PTPRS: variants seen among roughly 807,000 people sequenced by gnomAD.
PTPRS encodes the protein receptor-type tyrosine-protein phosphatase S.
PTPRS carries 63 observed loss-of-function variants against 215.3 expected under a neutral mutation model. The ratio of observed to expected loss-of-function variants is 0.29; its 90% confidence interval spans 0.24 to 0.36. The LOEUF is 0.36. PTPRS is among the 10% of genes least tolerant of loss of function. PTPRS has a pLI of 1.00. For synonymous variants in PTPRS, 1,404 were observed against 1,191.4 expected (o/e 1.18, Z -3.68); for missense variants, 2,258 against 2,825.8 (o/e 0.80, Z 4.56).
rs974233630 is a variant in PTPRS at position 5,240,701 on chromosome 19, C to T, written c.1571-369G>A. Among the ~76,000 whole-genome samples, 311 of 151,184 alleles carry T rather than the reference C, an allele frequency of 2.1e-3. 2 individuals are homozygous for T. The highest frequency in any genetic ancestry group is 3.0e-3 in the Non-Finnish European group (205 of 67,716). ...AAAAATACAAAAAATTAGCCGGGCG[C>T]GGTGGCGGGCACCTGTAGTCCCAGC... On this transcript the variant is annotated intron_variant, in intron 11 of 37. Coordinates refer to ENST00000262963, the MANE Select transcript of PTPRS (RefSeq NM_002850.4).
At position 5,218,812 on chromosome 19, in the gene PTPRS, CAG is replaced by C. The variant is rs1048186608; in HGVS notation, c.3924-16_3924-15del. 1.2e-6 allele frequency: 2 copies of C among 1,600,200 alleles called. No homozygotes were observed. Among genetic ancestry groups the C allele is most frequent in the African/African-American group, 2.7e-5 (2 of 74,348 alleles). On this transcript the variant is annotated splice_polypyrimidine_tract_variant and intron_variant, in intron 23 of 37. Coordinates refer to ENST00000262963, the MANE Select transcript of PTPRS (RefSeq NM_002850.4). ...CTGTCGGGTTTGCTGTTCCCGAAAGCAGACACAGGTGAGAAGGGGGAAAAAAA... is the reference window on the plus strand; with the variant it reads ...CTGTCGGGTTTGCTGTTCCCGAAAGCACACAGGTGAGAAGGGGGAAAAAAA...
chr19:5,228,068 G>A (rs563518101), intron 16 of PTPRS, among the ~76,000 whole-genome samples: 1 of 152,120 alleles, frequency 6.6e-6, no homozygotes, highest in South Asian at 2.1e-4. Context: ...CCCTCCCAGG[G>A]TCTCTGCGAG....
chr19:5,333,645 C>G (rs977602444), intron 1 of PTPRS, among the ~76,000 whole-genome samples: 8 of 152,008 alleles, frequency 5.3e-5, no homozygotes, highest in African/African-American at 1.9e-4. Context: ...AGGTGCCACT[C>G]TCAGTCTCTG....
intron 17 of PTPRS, among the ~76,000 whole-genome samples, chr19:5,224,535 G>A (rs2042304024): frequency 1.3e-5 from 2 of 152,182 alleles, no homozygotes; most frequent in African/African-American, 4.8e-5. Flanking sequence ...GAGAGGTTCT[G>A]GGATCAGGCA....
chr19:5,324,259 A>C (rs1015440271), intron 1 of PTPRS, among the ~76,000 whole-genome samples: 1 of 151,810 alleles, frequency 6.6e-6, no homozygotes, highest in East Asian at 1.9e-4. Flanking sequence ...AAAGAAAGAA[A>C]AAAAGGGAAA....
At chr19:5,310,946 G>A (rs966286006) in intron 1 of PTPRS, among the ~76,000 whole-genome samples, 4 of 151,658 alleles carry the variant, frequency 2.6e-5, no homozygotes, top group South Asian at 2.1e-4. Context: ...GTGCAGTGGC[G>A]TGATCTCACT....
At chr19:5,217,291 T>C (rs1369012800) in intron 25 of PTPRS, among the ~76,000 whole-genome samples, 1 of 152,178 alleles carries the variant, frequency 6.6e-6, no homozygotes, top group Non-Finnish European at 1.5e-5. Context: ...TAGCGGTGAA[T>C]TGTGAGACTC....
In PTPRS at chr19:5,274,342, G is replaced by A. The variant is rs770312204; in HGVS notation, c.94C>T (p.Pro32Ser). Residue 32 changes from proline to serine, a missense_variant and splice_region_variant, in exon 3 of 38, where the codon CCC becomes TCC. Transcript: ENST00000262963. ...LLVGGCAAEE[P>S]PRFIKEPKDQ... ...TTGGGTTCTTTGATAAACCTGGGGG[G>A]CTCTGGGGATACAGTGGAAAGAAGG... 2.5e-6 allele frequency: 4 copies of A among 1,608,814 alleles called. No individual in the cohort carries two copies. In the South Asian group the frequency reaches 3.3e-5, roughly 13 times the overall value.
At chr19:5,304,931 T>TG (rs1160715329) in intron 1 of PTPRS, among the ~76,000 whole-genome samples, 1 of 81,438 alleles carries the variant, frequency 1.2e-5, no homozygotes, top group Non-Finnish European at 2.3e-5. Flanking sequence ...GAGAGGCAAC[T>TG]GAGGGACATG....
At position 5,225,082 on chromosome 19, in the gene PTPRS, C is replaced by T. The variant is rs1246023204; in HGVS notation, c.2494+645G>A. On this transcript the variant is annotated intron_variant, in intron 17 of 37. Coordinates refer to ENST00000262963, the MANE Select transcript of PTPRS (RefSeq NM_002850.4). Reference sequence around the variant, plus strand: ...CCTCCCCTTACATCTTCACGGCAGCCTCTTTTTCTTAATTCAGCTCCATTT... The same window carrying T: ...CCTCCCCTTACATCTTCACGGCAGCTTCTTTTTCTTAATTCAGCTCCATTT... Among the ~76,000 whole-genome samples, 3 of 152,208 alleles carry T rather than the reference C, an allele frequency of 2.0e-5. No individual in the cohort carries two copies. In the East Asian group the frequency reaches 5.8e-4, roughly 29 times the overall value.
intron 1 of PTPRS, among the ~76,000 whole-genome samples, chr19:5,322,845 C>G (rs2050063517): frequency 2.3e-5 from 3 of 128,822 alleles, no homozygotes; most frequent in Admixed American, 9.5e-5. Flanking sequence ...TACCATTGCA[C>G]TCAAGCCTGG....
rs757214673 is a variant in PTPRS at position 5,236,246 on chromosome 19, G to A, written c.1849+2673C>T. 7.5e-4 allele frequency among the ~76,000 whole-genome samples: 114 copies of A among 152,306 alleles called. 2 individuals are homozygous for A. The highest frequency in any genetic ancestry group is 1.2e-3 in the Non-Finnish European group (81 of 68,036). On this transcript the variant is annotated intron_variant, in intron 13 of 37. Transcript: ENST00000262963. ...TCAATCTTGCCGAAAAACCAGAAGT[G>A]CAGCCCATTTTACAGGTGAGCCCAT...
chr19:5,330,856 A>G (rs929007710), intron 1 of PTPRS, among the ~76,000 whole-genome samples: 1 of 152,072 alleles, frequency 6.6e-6, no homozygotes, highest in East Asian at 1.9e-4. Context: ...CACCCTGCTG[A>G]TATCTGGGAG....
intron 1 of PTPRS, among the ~76,000 whole-genome samples, chr19:5,328,530 G>A (rs1159754805): frequency 1.3e-5 from 2 of 151,976 alleles, no homozygotes; most frequent in East Asian, 1.9e-4. Context: ...GAACCACCGC[G>A]CCCGGCCCTT....
At chr19:5,228,061 T>C (rs866501392) in intron 16 of PTPRS, among the ~76,000 whole-genome samples, 9 of 152,148 alleles carry the variant, frequency 5.9e-5, no homozygotes, top group Middle Eastern at 3.4e-3. Context: ...AGTCCATCCC[T>C]CCCAGGGTCT....
chr19:5,273,731 G>T, intron 3 of PTPRS, 148 bp from the exon 4 acceptor site: 1 of 1,024,008 alleles, frequency 9.8e-7, no homozygotes, highest in Non-Finnish European at 1.4e-6. Context: ...GGCTGAATGT[G>T]CACGTGTGTC....
chr19:5,229,901 GGCT>G (rs2042876046), intron 14 of PTPRS, among the ~76,000 whole-genome samples: 7 of 132,618 alleles, frequency 5.3e-5, no homozygotes, highest in African/African-American at 2.4e-4. Flanking sequence ...CATGGATCCA[GGCT>G]GCCCCCCCCC....
At chr19:5,265,237 C>A in intron 4 of PTPRS, 41 bp from the exon 5 acceptor site, 1 of 1,565,126 alleles carries the variant, frequency 6.4e-7, no homozygotes, top group Non-Finnish European at 8.7e-7. Flanking sequence ...TGGTTCTGAG[C>A]ACTGCACAGC....
intron 1 of PTPRS, among the ~76,000 whole-genome samples, chr19:5,314,353 T>C (rs542860991): frequency 1.3e-5 from 2 of 152,292 alleles, no homozygotes; most frequent in South Asian, 4.1e-4. Flanking sequence ...TGGCCTCCTC[T>C]TAGCTGTGCA....
Sources: allele counts gnomAD v4.1 joint callset (sites outside exome capture counted in the v4.1 genomes callset), GRCh38; gene constraint gnomAD v4.1.1; transcripts MANE v1.5; gene names NCBI Gene and HGNC (gene_info 2026-07-23, HGNC 2026-07-21).